SNX9: variants seen among roughly 807,000 people sequenced by gnomAD.
SNX9 encodes the protein sorting nexin-9.
SNX9 carries 44 observed loss-of-function variants against 89.4 expected under a neutral mutation model. That is an observed-to-expected ratio of 0.49 (90% confidence interval 0.39 to 0.63). The LOEUF (loss-of-function observed/expected upper bound fraction) is 0.63. Among genes scored for constraint, SNX9 ranks in the 30% least tolerant of loss-of-function variants. SNX9 has a pLI of 0.00. For missense variants in SNX9, 578 were observed against 736.1 expected (o/e 0.79, Z 2.49); for synonymous variants, 236 against 247.8 (o/e 0.95, Z 0.45).
chr6:157,834,701 C>T (rs1384978268), intron 1 of SNX9, among the ~76,000 whole-genome samples: 1 of 152,088 alleles, frequency 6.6e-6, no homozygotes, highest in East Asian at 1.9e-4. Flanking sequence ...ATTCCAAGTG[C>T]CCATCTGAGC....
At chr6:157,937,634 A>C in intron 15 of SNX9, 111 bp downstream of exon 15, 1 of 730,226 alleles carries the variant, frequency 1.4e-6, no homozygotes, top group Non-Finnish European at 2.2e-6. Context: ...AACAATCTAT[A>C]ATTCCCATTA....
At chr6:157,928,565 T>C in intron 11 of SNX9, 34 bp from the exon 12 acceptor site, 1 of 1,551,158 alleles carries the variant, frequency 6.4e-7, no homozygotes. Flanking sequence ...CTGTTTCTCC[T>C]GCTTATGTGA....
At chr6:157,840,806 C>T (rs1781689570) in intron 1 of SNX9, among the ~76,000 whole-genome samples, 1 of 152,068 alleles carries the variant, frequency 6.6e-6, no homozygotes, top group African/African-American at 2.4e-5. Context: ...ATTTTGCATT[C>T]GAGATTTTGT....
intron 11 of SNX9, among the ~76,000 whole-genome samples, chr6:157,928,083 T>C (rs1783733737): frequency 6.6e-6 from 1 of 152,228 alleles, no homozygotes; most frequent in Admixed American, 6.5e-5. Context: ...CTAGACATTT[T>C]GTTTTATAAT....
chr6:157,931,046 A>G (rs1016472088), intron 12 of SNX9, among the ~76,000 whole-genome samples: 3 of 152,246 alleles, frequency 2.0e-5, no homozygotes, highest in Non-Finnish European at 4.4e-5. Context: ...TCACAAGGCT[A>G]AATGTAGAAA....
intron 4 of SNX9, among the ~76,000 whole-genome samples, chr6:157,878,893 AATAGGTAAAGTGT>A (rs1782570798): frequency 6.6e-6 from 1 of 151,876 alleles, no homozygotes; most frequent in South Asian, 2.1e-4. Context: ...AATTCAGAAA[AATAGGTAAAGTGT>A]ATAAACAGGC....
chr6:157,854,513 A>G (rs1781971725), intron 1 of SNX9, among the ~76,000 whole-genome samples: 1 of 152,252 alleles, frequency 6.6e-6, no homozygotes, highest in Non-Finnish European at 1.5e-5. Flanking sequence ...GCTTCTGTGC[A>G]TGTGTGTGCT....
intron 9 of SNX9, among the ~76,000 whole-genome samples, chr6:157,920,426 C>A (rs1783560151): frequency 6.6e-6 from 1 of 152,220 alleles, no homozygotes; most frequent in Non-Finnish European, 1.5e-5. Context: ...TCTACCCTCA[C>A]GGAGAAGCTG....
chr6:157,917,798 A>G (rs1378557104), intron 9 of SNX9, among the ~76,000 whole-genome samples: 1 of 152,190 alleles, frequency 6.6e-6, no homozygotes, highest in African/African-American at 2.4e-5. Flanking sequence ...AAAAAAGTCC[A>G]TACATATTCA....
At chr6:157,831,125 T>G (rs961833057) in intron 1 of SNX9, among the ~76,000 whole-genome samples, 4 of 152,238 alleles carry the variant, frequency 2.6e-5, no homozygotes, top group African/African-American at 9.6e-5. Context: ...ACATTAATAG[T>G]TTTCCGTCCT....
At chr6:157,843,403 C>T (rs1161739692) in intron 1 of SNX9, among the ~76,000 whole-genome samples, 3 of 152,126 alleles carry the variant, frequency 2.0e-5, no homozygotes, top group Non-Finnish European at 4.4e-5. Flanking sequence ...ATATGTATTA[C>T]ATACGGTATT....
chr6:157,899,536 G>T (rs1783049710), intron 5 of SNX9, among the ~76,000 whole-genome samples: 1 of 152,110 alleles, frequency 6.6e-6, no homozygotes, highest in Non-Finnish European at 1.5e-5. Context: ...AGTTTGGGAG[G>T]CCGAGGCAGG....
chr6:157,837,510 G>A (rs1460153151), intron 1 of SNX9, among the ~76,000 whole-genome samples: 1 of 152,120 alleles, frequency 6.6e-6, no homozygotes, highest in Admixed American at 6.5e-5. Flanking sequence ...AGTTTTTAAT[G>A]TTATTTGTGT....
intron 4 of SNX9, among the ~76,000 whole-genome samples, chr6:157,880,785 G>A (rs1234575709): frequency 6.6e-6 from 1 of 152,170 alleles, no homozygotes; most frequent in Non-Finnish European, 1.5e-5. Flanking sequence ...TCAAGGCAGT[G>A]AGTTTAGGAG....
At chr6:157,860,031 G>A (rs1207829770) in intron 1 of SNX9, among the ~76,000 whole-genome samples, 1 of 152,130 alleles carries the variant, frequency 6.6e-6, no homozygotes, top group Non-Finnish European at 1.5e-5. Context: ...TTTATATATT[G>A]TCTGTGGTGG....
chr6:157,919,719 C>CACAA (rs1348114112), intron 9 of SNX9, among the ~76,000 whole-genome samples: 1 of 152,162 alleles, frequency 6.6e-6, no homozygotes, highest in Non-Finnish European at 1.5e-5. Flanking sequence ...TGCGGACACT[C>CACAA]AGAGATAGTG....
chr6:157,928,847 G>C, intron 12 of SNX9, 145 bp downstream of exon 12: 1 of 587,114 alleles, frequency 1.7e-6, no homozygotes, highest in Non-Finnish European at 2.7e-6. Flanking sequence ...GATTCTGCTT[G>C]ATCTCACTTC....
chr6:157,847,099 G>T (rs1005459289), intron 1 of SNX9, among the ~76,000 whole-genome samples: 2 of 152,080 alleles, frequency 1.3e-5, no homozygotes, highest in Middle Eastern at 3.2e-3. Flanking sequence ...GAAACTAGGA[G>T]AGTCTGCAGG....
chr6:157,824,463 CTATT>C (rs1435051320), intron 1 of SNX9, among the ~76,000 whole-genome samples: 5 of 152,120 alleles, frequency 3.3e-5, no homozygotes, highest in Admixed American at 1.3e-4. Flanking sequence ...ACCCCTTTGT[CTATT>C]TGTTTTTGAG....
Sources: gnomAD v4.1 joint callset for allele counts (sites outside exome capture counted in the v4.1 genomes callset) on GRCh38, gnomAD v4.1.1 for gene constraint, MANE v1.5 for transcripts, NCBI Gene and HGNC (gene_info 2026-07-23, HGNC 2026-07-21) for gene names.